Variants in CNTN1 observed in about 807,000 individuals in gnomAD.
CNTN1 encodes contactin 1, also known as contactin-1.
Under a neutral mutation model 126.4 loss-of-function variants are expected in CNTN1, and 38 were observed. The observed-to-expected ratio is 0.30, with a 90% CI of 0.23 to 0.39. The LOEUF (loss-of-function observed/expected upper bound fraction) is 0.39. CNTN1 is among the 10% of genes least tolerant of loss of function. The pLI is 1.00. For synonymous variants in CNTN1, 413 were observed against 422.6 expected (o/e 0.98, Z 0.28); for missense variants, 1,009 against 1,248.4 (o/e 0.81, Z 2.89).
Position 41,016,283 on chromosome 12 carries a change from T to C in CNTN1, c.2185-399T>C, listed in dbSNP as rs117089828. Among the ~76,000 whole-genome samples the C allele has an allele frequency of 9.7e-3, 1,474 of 152,090 alleles. 11 individuals are homozygous for C. The highest frequency in any genetic ancestry group is 0.016 in the Non-Finnish European group (1,099 of 67,996). On this transcript the variant is annotated intron_variant, in intron 18 of 23. Coordinates refer to ENST00000551295, the MANE Select transcript of CNTN1 (RefSeq NM_001843.4). ...CTTTGTTAGGGTTAAAGAAAAACAATAGGTAGGGTGCGGGACATGGAGCAT... is the reference window on the plus strand; with the variant it reads ...CTTTGTTAGGGTTAAAGAAAAACAACAGGTAGGGTGCGGGACATGGAGCAT...
intron 1 of CNTN1, among the ~76,000 whole-genome samples, chr12:40,761,927 A>C (rs1938878351): frequency 6.6e-6 from 1 of 152,212 alleles, no homozygotes; most frequent in Non-Finnish European, 1.5e-5. Flanking sequence ...ACACTTTTAC[A>C]ATACAATCCT....
At chr12:41,000,165 G>A (rs1488072892) in intron 17 of CNTN1, among the ~76,000 whole-genome samples, 3 of 152,024 alleles carry the variant, frequency 2.0e-5, no homozygotes, top group African/African-American at 4.8e-5. Context: ...TCCATTTTTA[G>A]GTCTGTTCCA....
At chr12:40,751,301 G>A (rs1007279562) in intron 1 of CNTN1, among the ~76,000 whole-genome samples, 2 of 152,210 alleles carry the variant, frequency 1.3e-5, no homozygotes, top group East Asian at 3.9e-4. Context: ...TTTAAACTGA[G>A]TCAGAGGAAG....
intron 23 of CNTN1, among the ~76,000 whole-genome samples, chr12:41,066,698 T>C (rs280377): frequency 0.043 from 6,599 of 152,038 alleles, 331 homozygotes; most frequent in African/African-American, 0.11. Context: ...AGGAAGTTTG[T>C]ATTAAAAACC....
chr12:40,951,368 C>T lies in CNTN1; in HGVS notation c.1683+7198C>T, dbSNP rs144511392. On this transcript the variant is annotated intron_variant, in intron 14 of 23. Coordinates refer to ENST00000551295, the MANE Select transcript of CNTN1 (RefSeq NM_001843.4). The stretch of plus-strand genomic sequence containing the variant: ...TAATCTTAGAAATTATCCTGGACAA[C>T]TTGCCTTATTTATTTTTTTGTATGT... Among the ~76,000 whole-genome samples the T allele has an allele frequency of 4.9e-4, 75 of 152,174 alleles. 1 individual carries two copies. The highest frequency in any genetic ancestry group is 1.6e-3 in the African/African-American group (68 of 41,542).
intron 23 of CNTN1, among the ~76,000 whole-genome samples, chr12:41,067,809 AACATTG>A (rs1253868022): frequency 3.3e-5 from 5 of 152,104 alleles, no homozygotes; most frequent in Non-Finnish European, 7.4e-5. Context: ...CACTGGGTCA[AACATTG>A]ACGTTTAAAG....
intron 23 of CNTN1, among the ~76,000 whole-genome samples, chr12:41,061,541 C>T (rs955655883): frequency 5.3e-5 from 8 of 152,022 alleles, no homozygotes; most frequent in African/African-American, 7.2e-5. Flanking sequence ...AAAAACCCAC[C>T]GAAGCCACTA....
rs115306970 is a variant in CNTN1 at position 40,732,718 on chromosome 12, C to T, written c.-77+40126C>T. Among the ~76,000 whole-genome samples, 864 of 152,100 alleles carry T rather than the reference C, an allele frequency of 5.7e-3. 7 individuals carry two copies. Among genetic ancestry groups the T allele is most frequent in the African/African-American group, 0.02 (837 of 41,534 alleles). On this transcript the variant is annotated intron_variant, in intron 1 of 23. Transcript: ENST00000551295. ...CACTGAAGTGTTAATGATTTGCCTA[C>T]AGAATTTTTTGTCCAAATGTTTGGA...
chr12:40,924,283 T>C (rs1945551857), intron 5 of CNTN1, among the ~76,000 whole-genome samples: 3 of 152,120 alleles, frequency 2.0e-5, no homozygotes, highest in African/African-American at 7.2e-5. Context: ...GAAACAAAAG[T>C]CTTCAGGATA....
intron 23 of CNTN1, among the ~76,000 whole-genome samples, chr12:41,040,580 T>C (rs974470418): frequency 1.1e-4 from 16 of 152,142 alleles, no homozygotes; most frequent in African/African-American, 3.9e-4. Flanking sequence ...TGTATCCTCT[T>C]TTATTTCATT....
At chr12:40,804,189 G>C (rs753069219) in intron 1 of CNTN1, among the ~76,000 whole-genome samples, 5 of 151,982 alleles carry the variant, frequency 3.3e-5, no homozygotes, top group Non-Finnish European at 7.4e-5. Context: ...TAAAAGCAGT[G>C]ATTAGGTTGT....
intron 3 of CNTN1, 65 bp from the exon 4 acceptor site, chr12:40,918,574 A>G (rs1049413026): frequency 6.3e-6 from 9 of 1,427,326 alleles, no homozygotes; most frequent in Non-Finnish European, 8.8e-6. Flanking sequence ...TTTTTTTTCA[A>G]TGTTCTCAAA....
chr12:40,840,743 A>C (rs1248642418), intron 1 of CNTN1, among the ~76,000 whole-genome samples: 1 of 151,988 alleles, frequency 6.6e-6, no homozygotes, highest in Non-Finnish European at 1.5e-5. Flanking sequence ...CCAATGAAGA[A>C]ATTAAGATGA....
chr12:40,779,706 A>G (rs1355973375), intron 1 of CNTN1, among the ~76,000 whole-genome samples: 1 of 151,946 alleles, frequency 6.6e-6, no homozygotes, highest in Non-Finnish European at 1.5e-5. Context: ...CCAACATAGA[A>G]GTTCCTCAAA....
intron 23 of CNTN1, among the ~76,000 whole-genome samples, chr12:41,058,770 C>T (rs940547585): frequency 1.3e-5 from 2 of 152,120 alleles, no homozygotes; most frequent in African/African-American, 4.8e-5. Context: ...TATTTTATAT[C>T]TTCAGGTTGA....
intron 23 of CNTN1, among the ~76,000 whole-genome samples, chr12:41,037,393 A>G (rs2120917720): frequency 6.6e-6 from 1 of 152,230 alleles, no homozygotes; most frequent in South Asian, 2.1e-4. Context: ...ATGTATATAT[A>G]TATACAAATA....
intron 1 of CNTN1, among the ~76,000 whole-genome samples, chr12:40,739,146 T>C (rs1381675219): frequency 2.0e-5 from 3 of 152,028 alleles, no homozygotes; most frequent in Non-Finnish European, 4.4e-5. Flanking sequence ...AGAACCCATG[T>C]AGGAGACTCT....
At chr12:41,004,523 A>G (rs1344495394) in intron 17 of CNTN1, among the ~76,000 whole-genome samples, 1 of 152,078 alleles carries the variant, frequency 6.6e-6, no homozygotes, top group Non-Finnish European at 1.5e-5. Flanking sequence ...TGATCTGTCT[A>G]ATATTGTCAG....
At chr12:40,793,555 GA>G (rs1372272185) in intron 1 of CNTN1, among the ~76,000 whole-genome samples, 1 of 151,664 alleles carries the variant, frequency 6.6e-6, no homozygotes, top group Admixed American at 6.6e-5. Flanking sequence ...AAACTTATAA[GA>G]AAAACAATAA....
Sources: gnomAD v4.1 joint callset for allele counts (sites outside exome capture counted in the v4.1 genomes callset) on GRCh38, gnomAD v4.1.1 for gene constraint, MANE v1.5 for transcripts, NCBI Gene and HGNC (gene_info 2026-07-23, HGNC 2026-07-21) for gene names.